KCNC1: variants seen among roughly 807,000 people sequenced by gnomAD.
The protein encoded by KCNC1 is potassium voltage-gated channel subfamily C member 1.
Under a neutral mutation model 43.4 loss-of-function variants are expected in KCNC1, and 8 were observed. The ratio of observed to expected loss-of-function variants is 0.18; its 90% CI spans 0.11 to 0.33. KCNC1 has a LOEUF of 0.33. Among genes scored for constraint, KCNC1 ranks in the 10% least tolerant of loss-of-function variants. The pLI is 1.00. For synonymous variants in KCNC1, 361 were observed against 360.5 expected (o/e 1.00, Z -0.01); for missense variants, 420 against 836.0 (o/e 0.50, Z 6.14).
chr11:17,782,099 C>T lies in KCNC1; in HGVS notation c.*365C>T, dbSNP rs1452624336. 3 of 209,648 alleles carry T rather than the reference C, an allele frequency of 1.4e-5. No individual in the cohort carries two copies. The highest frequency in any genetic ancestry group is 1.1e-4 in the East Asian group (1 of 9,230). 13.0% of individuals were successfully genotyped at this position (209,648 alleles called of 1,614,324 possible). A position where few individuals can be genotyped will look rare whatever the true frequency, so the allele number is the denominator to read the frequency against. On this transcript the variant is annotated 3_prime_UTR_variant, in exon 4 of 4. Coordinates refer to ENST00000265969, the MANE Select transcript of KCNC1 (RefSeq NM_001112741.2). ...TAATGAAAAGAAAAACATCAAAGCCCTCTATTTTCTTTCAAAGCTCTTGAC... is the reference window on the plus strand; with the variant it reads ...TAATGAAAAGAAAAACATCAAAGCCTTCTATTTTCTTTCAAAGCTCTTGAC...
chr11:17,774,891 C>T, intron 2 of KCNC1: 2 of 985,472 alleles, frequency 2.0e-6, no homozygotes, highest in Non-Finnish European at 2.4e-6. Flanking sequence ...AGCCTCATCC[C>T]TCACCAGAAC....
At position 17,736,433 on chromosome 11, in the gene KCNC1, A is replaced by G. The variant is rs1347493627; in HGVS notation, c.431A>G (p.Asp144Gly). 1 of 1,606,198 alleles carries G rather than the reference A, an allele frequency of 6.2e-7. No homozygotes were observed. Among genetic ancestry groups the G allele is most frequent in the Non-Finnish European group, 8.5e-7 (1 of 1,178,210 alleles). ...ADADGPGDSG[D>G]GEDELEMTKR... ...GCCGACGGCCCTGGCGACTCGGGCG[A>G]CGGCGAGGACGAGCTGGAGATGACC... Residue 144 changes from aspartate to glycine, a missense_variant, in exon 1 of 4, where the codon GAC becomes GGC. Coordinates refer to ENST00000265969, the MANE Select transcript of KCNC1 (RefSeq NM_001112741.2). The surrounding 1 kb of genome is among the most constrained non-coding windows in gnomAD (Gnocchi z 9.3).
Position 17,779,710 on chromosome 11 carries a change from G to T in KCNC1, c.1693+66G>T. On this transcript the variant is annotated intron_variant, in intron 3 of 3. Coordinates refer to ENST00000265969, the MANE Select transcript of KCNC1 (RefSeq NM_001112741.2). This position sits in a 1 kb window ranked among gnomAD's most constrained non-coding sequence, Gnocchi z 7.2. ...GCCTCGCGCTCCTGCAGATGGGTGGGCAGGGCGGCGGGCAAGGGCGCTGAG... is the reference window on the plus strand; with the variant it reads ...GCCTCGCGCTCCTGCAGATGGGTGGTCAGGGCGGCGGGCAAGGGCGCTGAG... The T allele has an allele frequency of 7.6e-7, 1 of 1,321,978 alleles. No homozygotes were observed. The allele number at this position is 1,321,978 out of a possible 1,614,324, so 81.9% of individuals were successfully genotyped here.
In KCNC1 at chr11:17,779,705, G is replaced by T; in HGVS notation, c.1693+61G>T. On this transcript the variant is annotated intron_variant, in intron 3 of 3. Coordinates refer to ENST00000265969, the MANE Select transcript of KCNC1 (RefSeq NM_001112741.2). The surrounding 1 kb of genome is among the most constrained non-coding windows in gnomAD (Gnocchi z 7.2). Reference sequence around the variant, plus strand: ...GGGCCGCCTCGCGCTCCTGCAGATGGGTGGGCAGGGCGGCGGGCAAGGGCG... The same window carrying T: ...GGGCCGCCTCGCGCTCCTGCAGATGTGTGGGCAGGGCGGCGGGCAAGGGCG... 7.5e-7 allele frequency: 1 copy of T among 1,340,376 alleles called. No individual in the cohort carries two copies. The highest frequency in any genetic ancestry group is 9.8e-7 in the Non-Finnish European group (1 of 1,023,718). The allele number at this position is 1,340,376 out of a possible 1,614,324, so 83.0% of individuals were successfully genotyped here.
Position 17,736,198 on chromosome 11 carries a change from C to T in KCNC1, c.196C>T (p.His66Tyr). 6.2e-7 allele frequency: 1 copy of T among 1,613,820 alleles called. No homozygotes were observed. The highest frequency in any genetic ancestry group is 8.5e-7 in the Non-Finnish European group (1 of 1,179,872). Residue 66 changes from histidine to tyrosine, a missense_variant, in exon 1 of 4, where the codon CAC becomes TAC. His to Tyr is a moderately conservative substitution (Grantham distance 83). Transcript: ENST00000265969. The surrounding 1 kb of genome is among the most constrained non-coding windows in gnomAD (Gnocchi z 9.3). ...FFDRHPGVFAHILNYYRTGKL... is the reference protein window; with the variant it reads ...FFDRHPGVFAYILNYYRTGKL... ...CGACCGCCACCCCGGCGTCTTCGCGCACATCCTGAACTACTACCGCACGGG... is the reference window on the plus strand; with the variant it reads ...CGACCGCCACCCCGGCGTCTTCGCGTACATCCTGAACTACTACCGCACGGG...
At chr11:17,772,761 G>C (rs908774080) in intron 2 of KCNC1, 163 bp downstream of exon 2, 1 of 1,489,200 alleles carries the variant, frequency 6.7e-7, no homozygotes, top group East Asian at 2.3e-5. Flanking sequence ...GATGCTGGGC[G>C]GCCAAATTCA....
chr11:17,762,404 G>A (rs926502281), intron 1 of KCNC1, among the ~76,000 whole-genome samples: 2 of 152,178 alleles, frequency 1.3e-5, no homozygotes, highest in African/African-American at 4.8e-5. Flanking sequence ...GAGGCTCAGC[G>A]GTGTGTCTGA....
chr11:17,768,612 TG>T (rs71457883), intron 1 of KCNC1, among the ~76,000 whole-genome samples: 13,838 of 105,594 alleles, frequency 0.13, 2,314 homozygotes, highest in African/African-American at 0.41. Context: ...TGGATGTTGG[TG>T]GGGGGGGGGG....
At chr11:17,757,217 C>G (rs1018623615) in intron 1 of KCNC1, among the ~76,000 whole-genome samples, 4 of 38,532 alleles carry the variant, frequency 1.0e-4, no homozygotes, top group Admixed American at 1.2e-3. Context: ...CATTTAGCCA[C>G]ACACAGTGAG....
rs2133804497 is a variant in KCNC1, at chr11:17,771,279, A to G, written c.571-386A>G. 6.7e-6 allele frequency among the ~76,000 whole-genome samples: 1 copy of G among 149,112 alleles called. No homozygotes were observed. The highest frequency in any genetic ancestry group is 1.5e-5 in the Non-Finnish European group (1 of 66,920). On this transcript the variant is annotated intron_variant, in intron 1 of 3. Transcript: ENST00000265969. The surrounding 1 kb of genome is among the most constrained non-coding windows in gnomAD (Gnocchi z 4.7). ...ATGGGCAGGGTAGCTAAATGCCTTA[A>G]CAAATCAGCTCCAAATCACAGTGAC...
chr11:17,744,391 G>A (rs866471003), intron 1 of KCNC1, among the ~76,000 whole-genome samples: 1 of 152,142 alleles, frequency 6.6e-6, no homozygotes, highest in African/African-American at 2.4e-5. Flanking sequence ...CAGCAGGAAG[G>A]GGTCTAAAAA....
At chr11:17,743,379 C>G (rs1848863062) in intron 1 of KCNC1, among the ~76,000 whole-genome samples, 2 of 151,918 alleles carry the variant, frequency 1.3e-5, no homozygotes, top group Admixed American at 1.3e-4. Flanking sequence ...CTGGGTCTCT[C>G]CCTCCCCACC....
intron 1 of KCNC1, among the ~76,000 whole-genome samples, chr11:17,740,931 C>T (rs1848833268): frequency 2.0e-5 from 3 of 152,108 alleles, no homozygotes; most frequent in Non-Finnish European, 2.9e-5. Flanking sequence ...GGGTCCCAGC[C>T]GACACAGGGC....
intron 1 of KCNC1, among the ~76,000 whole-genome samples, chr11:17,763,545 ACCC>A (rs1046720538): frequency 3.9e-5 from 5 of 129,608 alleles, no homozygotes; most frequent in African/African-American, 1.2e-4. Flanking sequence ...CCACACACAG[ACCC>A]CCACACCACC....
chr11:17,771,880 G>A lies in KCNC1; in HGVS notation c.786G>A (p.Met262Ile). The A allele has an allele frequency of 6.2e-7, 1 of 1,614,206 alleles. No individual in the cohort carries two copies. The highest frequency in any genetic ancestry group is 8.5e-7 in the Non-Finnish European group (1 of 1,180,014). ...CVVWFTFEFL[M>I]RVIFCPNKVE... The stretch of plus-strand genomic sequence containing the variant: ...TCTGGTTCACCTTCGAGTTCCTCAT[G>A]CGTGTCATCTTCTGCCCCAACAAGG... The change falls in exon 2 of 4, where the codon ATG (methionine) becomes ATA (isoleucine). Residue 262 changes from methionine to isoleucine, a missense_variant. Around this residue, in one of 5 missense-constraint regions of KCNC1, gnomAD observed 151 missense variants for 216.7 expected, o/e 0.70. Transcript: ENST00000265969. This position sits in a 1 kb window ranked among gnomAD's most constrained non-coding sequence, Gnocchi z 4.7.
Position 17,736,150 on chromosome 11 carries a change from C to T in KCNC1, c.148C>T (p.Pro50Ser), listed in dbSNP as rs763076681. The T allele has an allele frequency of 6.2e-6, 10 of 1,613,268 alleles. No individual in the cohort carries two copies. Among genetic ancestry groups the T allele is most frequent in the Non-Finnish European group, 8.5e-6 (10 of 1,179,736 alleles). The change falls in exon 1 of 4, where the codon CCG becomes TCG. Residue 50 changes from proline (P) to serine (S), a missense_variant. Physicochemically the swap from Pro to Ser is moderately conservative, Grantham distance 74. Coordinates refer to ENST00000265969, the MANE Select transcript of KCNC1 (RefSeq NM_001112741.2). The surrounding 1 kb of genome is among the most constrained non-coding windows in gnomAD (Gnocchi z 9.3). ...CGCCCACAGCCACTTCGACTATGACCCGCGTGCTGACGAGTTCTTCTTCGA... is the reference window on the plus strand; with the variant it reads ...CGCCCACAGCCACTTCGACTATGACTCGCGTGCTGACGAGTTCTTCTTCGA... Reference protein sequence around the residue: ...PDAHSHFDYDPRADEFFFDRH... With the variant: ...PDAHSHFDYDSRADEFFFDRH...
intron 1 of KCNC1, among the ~76,000 whole-genome samples, chr11:17,758,148 A>G (rs1349736283): frequency 6.6e-6 from 1 of 152,240 alleles, no homozygotes; most frequent in African/African-American, 2.4e-5. Context: ...CATTTCAACA[A>G]TGTTTATAGC....
Position 17,779,535 on chromosome 11 carries a change from C to T in KCNC1, c.1584C>T (p.Pro528=), listed in dbSNP as rs1044982783. Residue 528 remains proline (P), a synonymous_variant, in exon 3 of 4, where the codon CCC becomes CCT. Coordinates refer to ENST00000265969, the MANE Select transcript of KCNC1 (RefSeq NM_001112741.2). The surrounding 1 kb of genome is among the most constrained non-coding windows in gnomAD (Gnocchi z 7.2). ...DCPHIDQALT[P]DEGLPFTRSG... is the part of the protein sequence containing the mutation. ...CCCACATAGACCAGGCCCTCACTCC[C>T]GATGAGGGCCTGCCCTTTACGCGCT... The T allele has an allele frequency of 1.1e-4, 167 of 1,551,206 alleles. 2 individuals are homozygous for T. The highest frequency in any genetic ancestry group is 1.4e-4 in the South Asian group (12 of 84,048).
chr11:17,781,589 CCTT>C lies in KCNC1; in HGVS notation c.1694-77_1694-75del. 4 of 995,428 alleles carry C rather than the reference CCTT, an allele frequency of 4.0e-6. No homozygotes were observed. The highest frequency in any genetic ancestry group is 2.9e-5 in the South Asian group (2 of 68,966). 61.7% of individuals were successfully genotyped at this position (995,428 alleles called of 1,614,324 possible). On this transcript the variant is annotated intron_variant, in intron 3 of 3. Transcript: ENST00000265969. The surrounding 1 kb of genome is among the most constrained non-coding windows in gnomAD (Gnocchi z 5.1). ...ATGCGGCTGTTCTGTCTTTCCTCCT[CCTT>C]CTTAAAAACTAAGTACCAAGCGGGA...
Sources: gnomAD v4.1 joint callset for allele counts (sites outside exome capture counted in the v4.1 genomes callset) on GRCh38, gnomAD v4.1.1 for gene constraint, gnomAD v4.1.1 regional missense constraint, Gnocchi (gnomAD v3.1) non-coding constraint, MANE v1.5 for transcripts, NCBI Gene and HGNC (gene_info 2026-07-23, HGNC 2026-07-21) for gene names.